Variants in SPATA13 observed in about 807,000 individuals in gnomAD.
SPATA13 encodes spermatogenesis associated 13, also known as spermatogenesis-associated protein 13.
Under a neutral mutation model 104.0 loss-of-function variants are expected in SPATA13, and 50 were observed. The ratio of observed to expected loss-of-function variants is 0.48; its 90% confidence interval spans 0.38 to 0.61. The LOEUF is 0.61. Among genes scored for constraint, SPATA13 ranks in the 20% least tolerant of loss-of-function variants. The pLI is 0.00. For missense variants in SPATA13, 1,524 were observed against 1,690.6 expected (o/e 0.90, Z 1.73); for synonymous variants, 606 against 667.5 (o/e 0.91, Z 1.42).
intron 2 of SPATA13, among the ~76,000 whole-genome samples, chr13:24,008,906 G>A (rs925644529): frequency 6.6e-6 from 1 of 152,208 alleles, no homozygotes; most frequent in Non-Finnish European, 1.5e-5. Context: ...GAAGAGGGGG[G>A]AAAGCATAGC....
intron 4 of SPATA13, among the ~76,000 whole-genome samples, chr13:24,257,958 A>C (rs1873869838): frequency 6.6e-6 from 1 of 152,162 alleles, no homozygotes; most frequent in Admixed American, 6.5e-5. Context: ...TGCTTTTGAA[A>C]ACGTGCTCTG....
rs542284167 is a variant in SPATA13 at position 24,266,707 on chromosome 13, T to A, written c.2164+14845T>A. ...AATCCTTTTACAGTGTTGCCAATAA[T>A]CAATGATGGTCATTTCCCAGTTCCA... On this transcript the variant is annotated intron_variant, in intron 4 of 12. Transcript: ENST00000382108. Among the ~76,000 whole-genome samples, 4 of 152,358 alleles carry A rather than the reference T, an allele frequency of 2.6e-5. No individual in the cohort carries two copies. In the South Asian group the frequency reaches 8.3e-4, roughly 32 times the overall value.
intron 3 of SPATA13, among the ~76,000 whole-genome samples, chr13:24,118,126 C>T (rs1013598017): frequency 6.6e-6 from 1 of 152,152 alleles, no homozygotes; most frequent in Non-Finnish European, 1.5e-5. Context: ...ATGAGGAAAT[C>T]TGGAACAGCA....
chr13:24,052,834 C>CCCCCCCG, intron 3 of SPATA13, among the ~76,000 whole-genome samples: 1 of 135,342 alleles, frequency 7.4e-6, no homozygotes. Flanking sequence ...GCCAGGGGAT[C>CCCCCCCG]CTCCCCGCCA....
chr13:24,230,929 A>G (rs1396360727), intron 2 of SPATA13, among the ~76,000 whole-genome samples: 1 of 152,204 alleles, frequency 6.6e-6, no homozygotes, highest in African/African-American at 2.4e-5. Flanking sequence ...GGGGTTGATC[A>G]GACCAGCTCT....
intron 3 of SPATA13, among the ~76,000 whole-genome samples, chr13:24,117,971 A>G (rs947087232): frequency 6.6e-6 from 1 of 152,242 alleles, no homozygotes; most frequent in Non-Finnish European, 1.5e-5. Context: ...AAAAAATGGC[A>G]TTAGAAAAAC....
intron 3 of SPATA13, among the ~76,000 whole-genome samples, chr13:24,078,101 C>T (rs751577712): frequency 1.1e-4 from 17 of 152,166 alleles, no homozygotes; most frequent in Non-Finnish European, 2.4e-4. Context: ...TCCTCCTGCA[C>T]GTGTGTCAGA....
At chr13:24,204,638 C>T (rs1372010955) in intron 1 of SPATA13, among the ~76,000 whole-genome samples, 3 of 152,160 alleles carry the variant, frequency 2.0e-5, no homozygotes, top group African/African-American at 7.2e-5. Context: ...AATTACTGTT[C>T]TACTTTCTTT....
chr13:24,263,098 G>A (rs550813762), intron 4 of SPATA13, among the ~76,000 whole-genome samples: 29 of 152,298 alleles, frequency 1.9e-4, no homozygotes, highest in South Asian at 6.2e-4. Context: ...AAGAAAAGCC[G>A]TAGCAGGTGT....
At position 24,086,031 on chromosome 13, in the gene SPATA13, G is replaced by C. The variant is rs80328385; in HGVS notation, c.-112+68330G>C. Among the ~76,000 whole-genome samples, 793 of 148,684 alleles carry C rather than the reference G, an allele frequency of 5.3e-3. 9 individuals carry two copies. The highest frequency in any genetic ancestry group is 0.018 in the African/African-American group (710 of 40,428). On this transcript the variant is annotated intron_variant, in intron 3 of 14. Transcript: ENST00000424834. ...GGAAACTCTGGGTTAGAGGACATCT[G>C]TTGCCAAGGTGAGTAGCAGAGAAGT...
Position 24,306,796 on chromosome 13 carries a change from G to A in SPATA13, c.*4023G>A, listed in dbSNP as rs1274085632. 6.6e-6 allele frequency: 1 copy of A among 152,054 alleles called. No homozygotes were observed. The highest frequency in any genetic ancestry group is 1.5e-5 in the Non-Finnish European group (1 of 68,018). 9.4% of individuals were successfully genotyped at this position (152,054 alleles called of 1,614,324 possible). Reference sequence around the variant, plus strand: ...GTAAATATTAGTGTCCATTCTGTATGACTCGCTAACCTACTTTGCAAGGCT... The same window carrying A: ...GTAAATATTAGTGTCCATTCTGTATAACTCGCTAACCTACTTTGCAAGGCT... On this transcript the variant is annotated 3_prime_UTR_variant, in exon 13 of 13. Transcript: ENST00000382108.
Position 24,238,245 on chromosome 13 carries a change from C to G in SPATA13, c.1654-11232C>G, listed in dbSNP as rs1872672343. 2.0e-5 allele frequency among the ~76,000 whole-genome samples: 3 copies of G among 150,606 alleles called. No homozygotes were observed. In the Admixed American group the frequency reaches 2.0e-4, roughly 10 times the overall value. On this transcript the variant is annotated intron_variant, in intron 2 of 12. Coordinates refer to ENST00000382108, the MANE Select transcript of SPATA13 (RefSeq NM_001166271.3). ...AATCTCGGCTCACTGCAGTCTTCGC[C>G]TCCCGGGTTCAAGCGATTCTTGTGC...
At chr13:23,988,631 G>A (rs1174517979) in intron 2 of SPATA13, among the ~76,000 whole-genome samples, 2 of 152,140 alleles carry the variant, frequency 1.3e-5, no homozygotes, top group Admixed American at 1.3e-4. Context: ...TAAAGAATCT[G>A]TCTCCCAAGC....
At chr13:24,214,468 A>G (rs1190873192) in intron 1 of SPATA13, among the ~76,000 whole-genome samples, 1 of 152,252 alleles carries the variant, frequency 6.6e-6, no homozygotes. Flanking sequence ...GTGCTTCTCT[A>G]AAAGTAAAAG....
intron 3 of SPATA13, among the ~76,000 whole-genome samples, chr13:24,135,981 G>T (rs1220312771): frequency 6.6e-6 from 1 of 152,152 alleles, no homozygotes; most frequent in Non-Finnish European, 1.5e-5. Flanking sequence ...TTGATCTCCT[G>T]GAAACAAAGT....
chr13:24,224,758 G>A, intron 2 of SPATA13, 176 bp downstream of exon 2: 1 of 698,312 alleles, frequency 1.4e-6, no homozygotes, highest in East Asian at 2.7e-5. Flanking sequence ...AAGTTCAGAA[G>A]TAATCTCTAT....
At position 24,027,569 on chromosome 13, in the gene SPATA13, C is replaced by G. The variant is rs568536165; in HGVS notation, c.-112+9868C>G. Among the ~76,000 whole-genome samples the G allele has an allele frequency of 3.9e-5, 6 of 152,198 alleles. No individual in the cohort carries two copies. The East Asian group carries it at 1.2e-3, about 29-fold the overall frequency. ...CACTGATTTTAGCTCTTTATTATTTCCTTTCTTCTACATTCTTGGGTTTTT... is the reference window on the plus strand; with the variant it reads ...CACTGATTTTAGCTCTTTATTATTTGCTTTCTTCTACATTCTTGGGTTTTT... On this transcript the variant is annotated intron_variant, in intron 3 of 14. Transcript: ENST00000424834.
intron 2 of SPATA13, among the ~76,000 whole-genome samples, chr13:24,010,143 A>C (rs999533581): frequency 6.6e-6 from 1 of 152,206 alleles, no homozygotes; most frequent in Non-Finnish European, 1.5e-5. Flanking sequence ...ATAAGAGATA[A>C]ATGGTTGCAT....
At chr13:24,183,020 T>C (rs192668481) in intron 1 of SPATA13, among the ~76,000 whole-genome samples, 2 of 152,274 alleles carry the variant, frequency 1.3e-5, no homozygotes, top group African/African-American at 2.4e-5. Flanking sequence ...TGAGGATATC[T>C]GCTTACATAT....
Sources: allele counts gnomAD v4.1 joint callset (sites outside exome capture counted in the v4.1 genomes callset), GRCh38; gene constraint gnomAD v4.1.1; transcripts MANE v1.5; gene names NCBI Gene and HGNC (gene_info 2026-07-23, HGNC 2026-07-21).